Variants in CATSPERD observed in about 807,000 individuals in gnomAD.
CATSPERD encodes cation channel sperm-associated auxiliary subunit delta.
CATSPERD carries 86 observed loss-of-function variants against 98.1 expected under a neutral mutation model. The observed-to-expected ratio is 0.88, with a 90% CI of 0.74 to 1.05. The LOEUF (loss-of-function observed/expected upper bound fraction) is 1.05. Among genes scored for constraint, CATSPERD ranks in the 50% least tolerant of loss-of-function variants. The pLI is 0.00. For missense variants in CATSPERD, 995 were observed against 1,005.7 expected (o/e 0.99, Z 0.14); for synonymous variants, 394 against 390.2 (o/e 1.01, Z -0.12).
intron 7 of CATSPERD, among the ~76,000 whole-genome samples, chr19:5,742,204 GTGTGCATGTGTGTA>G (rs2055994019): frequency 4.2e-5 from 5 of 118,262 alleles, no homozygotes; most frequent in Admixed American, 1.7e-4. Context: ...GCGTGTACAT[GTGTGCATGTGTGTA>G]CATGTGTGTG....
Position 5,776,257 on chromosome 19 carries a change from A to C in CATSPERD, c.2038A>C (p.Ile680Leu). 9.3e-6 allele frequency: 15 copies of C among 1,614,136 alleles called. No individual in the cohort carries two copies. The highest frequency in any genetic ancestry group is 1.3e-5 in the Non-Finnish European group (15 of 1,180,022). ...GGGCGGCCGGACAGCAAACCAGATC[A>C]TTTTCGGCCACAATGGCTTTTATGT... ...ILGGRTANQI[I>L]FGHNGFYVFY... Residue 680 changes from isoleucine to leucine, a missense_variant, in exon 21 of 22, where the codon ATT becomes CTT. Coordinates refer to ENST00000381624, the MANE Select transcript of CATSPERD (RefSeq NM_152784.4).
chr19:5,754,735 G>A (rs562954403), intron 13 of CATSPERD, among the ~76,000 whole-genome samples: 2 of 151,956 alleles, frequency 1.3e-5, no homozygotes, highest in African/African-American at 4.8e-5. Flanking sequence ...GCCTCTGCAT[G>A]TCTGGGCGTG....
intron 3 of CATSPERD, 126 bp downstream of exon 3, chr19:5,727,470 G>A: frequency 2.9e-6 from 2 of 698,512 alleles, no homozygotes; most frequent in Non-Finnish European, 5.0e-6. Flanking sequence ...CTGGCCTGTA[G>A]GGAGTCCATA....
At chr19:5,758,802 T>C (rs1235795498) in intron 14 of CATSPERD, among the ~76,000 whole-genome samples, 4 of 150,762 alleles carry the variant, frequency 2.7e-5, no homozygotes, top group Non-Finnish European at 5.9e-5. Flanking sequence ...CGCTCACCTG[T>C]AGTTCCAGCT....
chr19:5,766,305 A>AC, intron 17 of CATSPERD, 150 bp downstream of exon 17: 1 of 500,462 alleles, frequency 2.0e-6, no homozygotes. Context: ...AAAAAAAAAA[A>AC]TTAGGCGTGG....
rs759847088 is a variant in CATSPERD, at chr19:5,771,466, G to A, written c.1763+394G>A. On this transcript the variant is annotated intron_variant, in intron 19 of 21. Coordinates refer to ENST00000381624, the MANE Select transcript of CATSPERD (RefSeq NM_152784.4). ...TTGGGCAGGCTGGTCTTGAACTCCT[G>A]ACCTCAGATGATCCGCCTGCCTTGG... 2.6e-5 allele frequency among the ~76,000 whole-genome samples: 4 copies of A among 152,152 alleles called. No individual in the cohort carries two copies. The South Asian group carries it at 6.2e-4, about 24-fold the overall frequency.
intron 11 of CATSPERD, among the ~76,000 whole-genome samples, chr19:5,750,450 CAAAAAAA>C (rs60496454): frequency 6.2e-5 from 3 of 48,660 alleles, no homozygotes; most frequent in African/African-American, 1.7e-4. Context: ...GACTCTGTCT[CAAAAAAA>C]AAAAAAAAAA....
At chr19:5,723,088 G>A (rs1416240414) in intron 1 of CATSPERD, among the ~76,000 whole-genome samples, 2 of 150,854 alleles carry the variant, frequency 1.3e-5, no homozygotes, top group Non-Finnish European at 3.0e-5. Flanking sequence ...TCGGGAGGCT[G>A]AGGCAGGAGA....
intron 11 of CATSPERD, among the ~76,000 whole-genome samples, chr19:5,750,253 C>T (rs563074618): frequency 1.1e-4 from 17 of 149,816 alleles, no homozygotes; most frequent in Middle Eastern, 3.5e-3. Context: ...TCGTGACCAT[C>T]CTGGCTAACA....
intron 3 of CATSPERD, among the ~76,000 whole-genome samples, chr19:5,729,446 T>C (rs2055671815): frequency 1.3e-5 from 2 of 151,970 alleles, no homozygotes; most frequent in Non-Finnish European, 2.9e-5. Flanking sequence ...TACTGGGGAG[T>C]TGGGGAAGGA....
intron 11 of CATSPERD, among the ~76,000 whole-genome samples, chr19:5,751,192 CGT>C (rs2056207636): frequency 9.9e-5 from 8 of 80,750 alleles, no homozygotes; most frequent in South Asian, 4.1e-4. Flanking sequence ...AACAAGATTC[CGT>C]CTCAAAAAAA....
chr19:5,764,738 C>T (rs953159950), intron 16 of CATSPERD, among the ~76,000 whole-genome samples: 29 of 152,170 alleles, frequency 1.9e-4, no homozygotes, highest in South Asian at 1.0e-3. Context: ...TTCAGCCTCC[C>T]GAGTAGCTGG....
chr19:5,735,719 C>T (rs1010223189), intron 5 of CATSPERD, among the ~76,000 whole-genome samples: 1 of 151,470 alleles, frequency 6.6e-6, no homozygotes, highest in Non-Finnish European at 1.5e-5. Context: ...GTGATCCTGT[C>T]ACCTCGGCCT....
intron 4 of CATSPERD, 62 bp downstream of exon 4, chr19:5,730,006 A>G (rs2055683515): frequency 2.0e-6 from 2 of 986,344 alleles, no homozygotes; most frequent in Admixed American, 4.4e-5. Context: ...GGGAAAATAC[A>G]GTTCAGAAAT....
At chr19:5,773,923 G>C (rs534690154) in intron 20 of CATSPERD, among the ~76,000 whole-genome samples, 1 of 151,056 alleles carries the variant, frequency 6.6e-6, no homozygotes, top group East Asian at 2.0e-4. Flanking sequence ...AGTGCATGCA[G>C]CAAAGCCACC....
intron 2 of CATSPERD, among the ~76,000 whole-genome samples, chr19:5,725,763 C>T (rs1291106356): frequency 2.0e-5 from 3 of 151,666 alleles, no homozygotes; most frequent in South Asian, 2.1e-4. Context: ...TAGCCAGGTA[C>T]GGTGGCGCAT....
chr19:5,728,289 C>T (rs1391100001), intron 3 of CATSPERD, among the ~76,000 whole-genome samples: 25 of 137,120 alleles, frequency 1.8e-4, no homozygotes, highest in African/African-American at 5.2e-4. Flanking sequence ...ACCCAGGAGT[C>T]GGAGGTTGCA....
chr19:5,747,239 C>T (rs1216242897), intron 9 of CATSPERD, among the ~76,000 whole-genome samples: 4 of 142,824 alleles, frequency 2.8e-5, no homozygotes, highest in African/African-American at 1.1e-4. Flanking sequence ...ATGGTGCAAT[C>T]GTGGCTCACT....
At chr19:5,731,377 A>G (rs2055714438) in intron 4 of CATSPERD, among the ~76,000 whole-genome samples, 1 of 151,264 alleles carries the variant, frequency 6.6e-6, no homozygotes, top group Admixed American at 6.6e-5. Context: ...TGTTCCAGCA[A>G]CTCAGGAGCC....
Sources: allele counts gnomAD v4.1 joint callset (sites outside exome capture counted in the v4.1 genomes callset), GRCh38; gene constraint gnomAD v4.1.1; transcripts MANE v1.5; gene names NCBI Gene and HGNC (gene_info 2026-07-23, HGNC 2026-07-21).